Variants in BBX observed in about 807,000 individuals in gnomAD.
BBX encodes the protein HMG box transcription factor BBX.
Under a neutral mutation model 100.2 loss-of-function variants are expected in BBX, and 30 were observed. The ratio of observed to expected loss-of-function variants is 0.30; its 90% CI spans 0.22 to 0.41. The LOEUF (loss-of-function observed/expected upper bound fraction) is 0.41. Among genes scored for constraint, BBX ranks in the 10% least tolerant of loss-of-function variants. BBX has a pLI of 1.00. For missense variants in BBX, 1,023 were observed against 1,129.8 expected, an observed-to-expected ratio of 0.91 and a Z score of 1.35; for synonymous variants, 376 against 388.1, an observed-to-expected ratio of 0.97 and a Z score of 0.37.
At chr3:107,717,212 T>C (rs1348671868) in intron 5 of BBX, among the ~76,000 whole-genome samples, 1 of 152,156 alleles carries the variant, frequency 6.6e-6, no homozygotes, top group East Asian at 1.9e-4. Context: ...GGTGATTTTT[T>C]TCTTTTTTAA....
In BBX at chr3:107,652,601, T is replaced by C. The variant is rs887409301; in HGVS notation, c.-10+6692T>C. On this transcript the variant is annotated intron_variant, in intron 3 of 17. Transcript: ENST00000325805. ...TCTAATGATTGTGAAATTCACTAGT[T>C]GAGGACAGTATGAATATATTCAGGC... Among the ~76,000 whole-genome samples the C allele has an allele frequency of 5.9e-5, 9 of 152,336 alleles. No individual in the cohort carries two copies. The South Asian group carries it at 8.3e-4, about 14-fold the overall frequency.
intron 2 of BBX, among the ~76,000 whole-genome samples, chr3:107,564,977 A>C (rs910284247): frequency 6.6e-6 from 1 of 152,140 alleles, no homozygotes; most frequent in Non-Finnish European, 1.5e-5. Context: ...CATTCACTCC[A>C]TTTATTCAAG....
chr3:107,613,097 G>A (rs2054965402), intron 2 of BBX, among the ~76,000 whole-genome samples: 1 of 151,954 alleles, frequency 6.6e-6, no homozygotes, highest in South Asian at 2.1e-4. Context: ...GCGCTCTTTA[G>A]TCAGCTTGTG....
intron 3 of BBX, among the ~76,000 whole-genome samples, chr3:107,689,599 T>C (rs1327136309): frequency 1.3e-5 from 2 of 152,148 alleles, no homozygotes; most frequent in African/African-American, 2.4e-5. Context: ...GAAAAGTACA[T>C]TGCGTCACAG....
At chr3:107,685,229 T>C (rs1034611171) in intron 3 of BBX, among the ~76,000 whole-genome samples, 6 of 152,132 alleles carry the variant, frequency 3.9e-5, no homozygotes, top group African/African-American at 1.4e-4. Context: ...GGAGACAGTA[T>C]CCATGAGAGT....
chr3:107,729,640 G>A (rs1462557487), intron 6 of BBX, among the ~76,000 whole-genome samples: 1 of 152,186 alleles, frequency 6.6e-6, no homozygotes, highest in East Asian at 1.9e-4. Flanking sequence ...TTACAGTGCA[G>A]TAATCAAAAG....
At chr3:107,712,463 A>G (rs756292576) in intron 4 of BBX, among the ~76,000 whole-genome samples, 26 of 152,300 alleles carry the variant, frequency 1.7e-4, no homozygotes, top group Middle Eastern at 6.8e-3. Flanking sequence ...GGCAACTGCA[A>G]CATTCCCATT....
At chr3:107,740,916 C>T (rs2064043863) in intron 7 of BBX, among the ~76,000 whole-genome samples, 1 of 149,722 alleles carries the variant, frequency 6.7e-6, no homozygotes, top group Admixed American at 6.7e-5. Flanking sequence ...GAGTTGCAAG[C>T]AACTAAGGCT....
intron 10 of BBX, among the ~76,000 whole-genome samples, chr3:107,761,600 T>G (rs2065905646): frequency 6.6e-6 from 1 of 152,162 alleles, no homozygotes; most frequent in Non-Finnish European, 1.5e-5. Context: ...ACACTGAACC[T>G]GATTGTTTGA....
Position 107,805,502 on chromosome 3 carries a change from G to A in BBX, c.*45G>A, listed in dbSNP as rs770703152. ...ACATTGTGCTTTACCTACTACCCTA[G>A]CCTTGTCTTTACCGAGGGATGCTAG... On this transcript the variant is annotated 3_prime_UTR_variant, in exon 18 of 18. Coordinates refer to ENST00000325805, the MANE Select transcript of BBX (RefSeq NM_001142568.3). 2 of 1,613,900 alleles carry A rather than the reference G, an allele frequency of 1.2e-6. No individual in the cohort carries two copies. Among genetic ancestry groups the A allele is most frequent in the South Asian group, 1.1e-5 (1 of 91,054 alleles).
intron 2 of BBX, among the ~76,000 whole-genome samples, chr3:107,624,001 G>T (rs2055976898): frequency 6.6e-6 from 1 of 152,108 alleles, no homozygotes; most frequent in Admixed American, 6.5e-5. Context: ...CTTATCTTTT[G>T]ACCACCCATC....
intron 2 of BBX, among the ~76,000 whole-genome samples, chr3:107,598,908 G>A (rs1398288062): frequency 1.3e-5 from 2 of 152,054 alleles, no homozygotes; most frequent in African/African-American, 2.4e-5. Flanking sequence ...CTTCTTACCC[G>A]CTGGCAGACA....
At chr3:107,688,606 T>C (rs993833373) in intron 3 of BBX, among the ~76,000 whole-genome samples, 1 of 152,224 alleles carries the variant, frequency 6.6e-6, no homozygotes, top group Non-Finnish European at 1.5e-5. Flanking sequence ...TTATTATATA[T>C]TATCTATTCC....
intron 2 of BBX, among the ~76,000 whole-genome samples, chr3:107,607,655 G>A (rs2054550653): frequency 6.6e-6 from 1 of 152,152 alleles, no homozygotes; most frequent in Middle Eastern, 3.2e-3. Context: ...CATAGTGGTT[G>A]TACTGATTTA....
At chr3:107,749,670 A>G (rs1398200486) in intron 9 of BBX, among the ~76,000 whole-genome samples, 2 of 147,520 alleles carry the variant, frequency 1.4e-5, no homozygotes, top group Non-Finnish European at 3.0e-5. Flanking sequence ...TTTCGCCCTC[A>G]TTACCTAGGC....
chr3:107,697,188 T>TC (rs757429972), intron 3 of BBX, among the ~76,000 whole-genome samples: 79 of 151,900 alleles, frequency 5.2e-4, no homozygotes, highest in Non-Finnish European at 7.5e-4. Context: ...GAAGCCTTCT[T>TC]CTCTCAGCTC....
chr3:107,616,715 C>T (rs1393322842), intron 2 of BBX, among the ~76,000 whole-genome samples: 2 of 151,966 alleles, frequency 1.3e-5, no homozygotes, highest in Non-Finnish European at 2.9e-5. Context: ...GTAAATTGTT[C>T]ATGTATTTTC....
rs57506073 is a variant in BBX, at chr3:107,641,163, CA to C, written c.-83-4671del. 7.1e-3 allele frequency among the ~76,000 whole-genome samples: 1,069 copies of C among 150,718 alleles called. 7 individuals carry two copies. Among genetic ancestry groups the C allele is most frequent in the African/African-American group, 0.024 (998 of 40,922 alleles). On this transcript the variant is annotated intron_variant, in intron 2 of 17. Coordinates refer to ENST00000325805, the MANE Select transcript of BBX (RefSeq NM_001142568.3). ...GCAATGGCATTACCTAAGCTCACTG[CA>C]ACCTCCACCTCCCGGGTTTAAGCAA...
chr3:107,683,335 TTAGAAA>T (rs933062851), intron 3 of BBX, among the ~76,000 whole-genome samples: 4 of 152,132 alleles, frequency 2.6e-5, no homozygotes, highest in African/African-American at 9.7e-5. Context: ...CTTGTACTTT[TTAGAAA>T]TAGATACTTC....
Sources: allele counts gnomAD v4.1 joint callset (sites outside exome capture counted in the v4.1 genomes callset), GRCh38; gene constraint gnomAD v4.1.1; transcripts MANE v1.5; gene names NCBI Gene and HGNC (gene_info 2026-07-23, HGNC 2026-07-21).